Variants in CADM2 observed in about 807,000 individuals in gnomAD.
CADM2 encodes the protein cell adhesion molecule 2.
Under a neutral mutation model 49.8 loss-of-function variants are expected in CADM2, and 12 were observed. The observed-to-expected ratio is 0.24, with a 90% CI of 0.15 to 0.39. The LOEUF is 0.39. Among genes scored for constraint, CADM2 ranks in the 10% least tolerant of loss-of-function variants. CADM2 has a pLI of 1.00. For missense variants in CADM2, 378 were observed against 492.3 expected (o/e 0.77, Z 2.20); for synonymous variants, 214 against 175.4 (o/e 1.22, Z -1.74).
chr3:85,550,822 G>C (rs1452001213), intron 1 of CADM2, among the ~76,000 whole-genome samples: 6 of 151,960 alleles, frequency 3.9e-5, no homozygotes, highest in Admixed American at 6.6e-5. Context: ...TTTGCACTCT[G>C]ATTTCCAGCC....
At chr3:85,298,300 C>T (rs1292194442) in intron 1 of CADM2, among the ~76,000 whole-genome samples, 1 of 152,028 alleles carries the variant, frequency 6.6e-6, no homozygotes, top group Non-Finnish European at 1.5e-5. Context: ...AAGGATGGAA[C>T]CAGATTTGCC....
chr3:85,303,105 T>TTG (rs1352618319), intron 1 of CADM2, among the ~76,000 whole-genome samples: 1 of 151,924 alleles, frequency 6.6e-6, no homozygotes, highest in Admixed American at 6.6e-5. Flanking sequence ...TTGTGTGTGT[T>TTG]TGTGTGGGTG....
chr3:85,483,132 T>C (rs1289503606), intron 1 of CADM2, among the ~76,000 whole-genome samples: 3 of 151,542 alleles, frequency 2.0e-5, no homozygotes, highest in Non-Finnish European at 3.0e-5. Context: ...TATTTAATTT[T>C]GGTAAAATAC....
intron 1 of CADM2, among the ~76,000 whole-genome samples, chr3:84,996,272 T>C (rs1259469201): frequency 2.6e-5 from 4 of 152,114 alleles, no homozygotes; most frequent in African/African-American, 9.7e-5. Context: ...TGGCAAGTTA[T>C]TAATATTAAG....
chr3:86,043,748 G>T lies in CADM2; in HGVS notation c.971-21857G>T, dbSNP rs561472785. 4.6e-5 allele frequency among the ~76,000 whole-genome samples: 7 copies of T among 152,220 alleles called. 1 individual carries two copies. In the South Asian group the frequency reaches 1.5e-3, roughly 32 times the overall value. On this transcript the variant is annotated intron_variant, in intron 8 of 9. Coordinates refer to ENST00000383699, the MANE Select transcript of CADM2 (RefSeq NM_001167675.2). ...ATGGAACCAAAAAAGAGACCACCTT[G>T]CCAAGTCAATCCTAAGCCAAAAGAA...
chr3:85,888,245 T>A (rs1713941569), intron 5 of CADM2, among the ~76,000 whole-genome samples: 1 of 152,196 alleles, frequency 6.6e-6, no homozygotes, highest in African/African-American at 2.4e-5. Context: ...GATTGATTGT[T>A]TTTCACATTG....
intron 1 of CADM2, among the ~76,000 whole-genome samples, chr3:85,714,539 G>C (rs578255619): frequency 6.6e-6 from 1 of 152,010 alleles, no homozygotes; most frequent in East Asian, 1.9e-4. Flanking sequence ...CCATTCTCCT[G>C]CCTCAGCCTC....
chr3:85,541,773 T>C (rs1559897701), intron 1 of CADM2, among the ~76,000 whole-genome samples: 1 of 6,182 alleles, frequency 1.6e-4, no homozygotes, highest in Non-Finnish European at 8.6e-4. Context: ...ATATTTTATA[T>C]TTTATATATA....
intron 1 of CADM2, among the ~76,000 whole-genome samples, chr3:85,693,800 G>T (rs1161143575): frequency 1.3e-5 from 2 of 149,188 alleles, no homozygotes; most frequent in South Asian, 4.2e-4. Flanking sequence ...GGAGGCTGAG[G>T]CAGGGGAATC....
chr3:85,090,424 T>C (rs1173810440), intron 1 of CADM2, among the ~76,000 whole-genome samples: 1 of 152,178 alleles, frequency 6.6e-6, no homozygotes, highest in Non-Finnish European at 1.5e-5. Flanking sequence ...TTGTTTTGTT[T>C]TCATTTTTGC....
chr3:85,656,267 TA>T (rs1161925985), intron 1 of CADM2, among the ~76,000 whole-genome samples: 1 of 152,154 alleles, frequency 6.6e-6, no homozygotes, highest in Admixed American at 6.5e-5. Flanking sequence ...AAAATTCTCA[TA>T]AATCAATTTA....
chr3:85,812,740 C>T (rs981871143), intron 3 of CADM2, among the ~76,000 whole-genome samples: 3 of 152,074 alleles, frequency 2.0e-5, no homozygotes, highest in African/African-American at 7.2e-5. Flanking sequence ...TGATGTTCCC[C>T]TCCCTGTGTC....
At chr3:85,935,531 A>G (rs1450689276) in intron 6 of CADM2, among the ~76,000 whole-genome samples, 7 of 152,092 alleles carry the variant, frequency 4.6e-5, no homozygotes, top group African/African-American at 7.2e-5. Flanking sequence ...GATTTCAGAA[A>G]TAATACAACA....
At chr3:85,633,460 A>G (rs1009310898) in intron 1 of CADM2, among the ~76,000 whole-genome samples, 1 of 152,016 alleles carries the variant, frequency 6.6e-6, no homozygotes, top group Non-Finnish European at 1.5e-5. Context: ...TGAATATGTC[A>G]ATGGTGCTCA....
chr3:85,375,189 C>T (rs1161147921), intron 1 of CADM2, among the ~76,000 whole-genome samples: 1 of 152,118 alleles, frequency 6.6e-6, no homozygotes, highest in African/African-American at 2.4e-5. Context: ...ATATTATCCA[C>T]ATTTTCAAGG....
chr3:85,370,242 TAA>T (rs2033119307), intron 1 of CADM2, among the ~76,000 whole-genome samples: 1 of 145,092 alleles, frequency 6.9e-6, no homozygotes, highest in Non-Finnish European at 1.5e-5. Flanking sequence ...ATAATAATAA[TAA>T]TAATAATAAT....
chr3:85,155,729 T>C (rs1333013407), intron 1 of CADM2, among the ~76,000 whole-genome samples: 1 of 152,136 alleles, frequency 6.6e-6, no homozygotes, highest in Admixed American at 6.6e-5. Context: ...ACTGAAATTA[T>C]AACAAACTAT....
At chr3:85,783,104 T>A (rs758817946) in intron 2 of CADM2, among the ~76,000 whole-genome samples, 1 of 152,212 alleles carries the variant, frequency 6.6e-6, no homozygotes, top group Non-Finnish European at 1.5e-5. Context: ...GTTTTTCTAT[T>A]CATATAAGAA....
chr3:85,828,006 T>A (rs1199640280), intron 3 of CADM2: 1 of 151,954 alleles, frequency 6.6e-6, no homozygotes, highest in Non-Finnish European at 1.5e-5. Flanking sequence ...GTTACCTCAA[T>A]GCCCAGTTCC....
Sources: allele counts gnomAD v4.1 joint callset (sites outside exome capture counted in the v4.1 genomes callset), GRCh38; gene constraint gnomAD v4.1.1; transcripts MANE v1.5; gene names NCBI Gene and HGNC (gene_info 2026-07-23, HGNC 2026-07-21).